CPNE4: variants seen among roughly 807,000 people sequenced by gnomAD.
CPNE4 encodes copine-4.
In CPNE4, 25 loss-of-function variants were observed where a neutral mutation model predicts 67.9. The observed-to-expected ratio is 0.37, with a 90% CI of 0.27 to 0.51. CPNE4 has a LOEUF of 0.51. CPNE4 is among the 20% of genes least tolerant of loss of function. The pLI is 0.93. For missense variants in CPNE4, 464 were observed against 690.8 expected, an observed-to-expected ratio of 0.67 and a Z score of 3.68; for synonymous variants, 242 against 244.9, an observed-to-expected ratio of 0.99 and a Z score of 0.11.
chr3:131,789,134 T>A (rs535020257), intron 2 of CPNE4, among the ~76,000 whole-genome samples: 5 of 152,150 alleles, frequency 3.3e-5, no homozygotes, highest in African/African-American at 9.6e-5. Flanking sequence ...CCACCCATCT[T>A]AGGCTACTCA....
At chr3:131,579,658 C>A (rs917112261) in intron 9 of CPNE4, among the ~76,000 whole-genome samples, 25 of 152,124 alleles carry the variant, frequency 1.6e-4, no homozygotes, top group East Asian at 1.9e-4. Flanking sequence ...TTTTAACCCT[C>A]TAGGATGACC....
chr3:131,555,821 G>A lies in CPNE4; in HGVS notation c.1062-270C>T, dbSNP rs79264071. ...AGATTCTATACTAAGAAATAAAATGGCCCTACCCTTTCATCAATGGCCTCC... is the reference window on the plus strand; with the variant it reads ...AGATTCTATACTAAGAAATAAAATGACCCTACCCTTTCATCAATGGCCTCC... On this transcript the variant is annotated intron_variant, in intron 11 of 15. Coordinates refer to ENST00000429747, the MANE Select transcript of CPNE4 (RefSeq NM_130808.3). 1.5e-3 allele frequency among the ~76,000 whole-genome samples: 228 copies of A among 152,068 alleles called. 6 individuals are homozygous for A. In the East Asian group the frequency reaches 0.043, roughly 29 times the overall value.
chr3:132,032,948 AC>A (rs2074267487), intron 1 of CPNE4, among the ~76,000 whole-genome samples: 1 of 152,254 alleles, frequency 6.6e-6, no homozygotes, highest in Admixed American at 6.5e-5. Context: ...TATACTAACT[AC>A]AAAAATTGAC....
chr3:131,859,954 C>A (rs773420603), intron 2 of CPNE4, among the ~76,000 whole-genome samples: 1 of 152,088 alleles, frequency 6.6e-6, no homozygotes, highest in South Asian at 2.1e-4. Context: ...CAAATCCATC[C>A]GCAGAATGAC....
intron 2 of CPNE4, among the ~76,000 whole-genome samples, chr3:131,757,880 G>A (rs1244641371): frequency 6.6e-6 from 1 of 152,196 alleles, no homozygotes; most frequent in Non-Finnish European, 1.5e-5. Flanking sequence ...TGGCTTCAGA[G>A]GGTGGAAGCC....
intron 1 of CPNE4, among the ~76,000 whole-genome samples, chr3:132,034,126 T>C (rs1252354821): frequency 6.6e-6 from 1 of 152,218 alleles, no homozygotes; most frequent in Admixed American, 6.5e-5. Context: ...GGTCAAGCCA[T>C]TGGAAGGGAC....
At chr3:131,636,357 C>A (rs2079385574) in intron 7 of CPNE4, among the ~76,000 whole-genome samples, 2 of 152,134 alleles carry the variant, frequency 1.3e-5, no homozygotes, top group African/African-American at 4.8e-5. Context: ...AGGGTGAAGC[C>A]TGTGACTGCT....
At chr3:131,928,669 A>T (rs924089544) in intron 1 of CPNE4, among the ~76,000 whole-genome samples, 9 of 152,220 alleles carry the variant, frequency 5.9e-5, no homozygotes, top group African/African-American at 2.2e-4. Context: ...TGTCCTGTCT[A>T]TGCCTATACT....
rs141964737 is a variant in CPNE4 at position 131,596,206 on chromosome 3, G to T, written c.682-8624C>A. ...TGCAAGGAAACTTTTGGAGGTGTTG[G>T]ATATGTCAATCAGCTTGTGATGGTA... On this transcript the variant is annotated intron_variant, in intron 7 of 15. Coordinates refer to ENST00000429747, the MANE Select transcript of CPNE4 (RefSeq NM_130808.3). Among the ~76,000 whole-genome samples the T allele has an allele frequency of 5.9e-5, 9 of 152,232 alleles. No individual in the cohort carries two copies. The East Asian group carries it at 1.7e-3, about 29-fold the overall frequency.
chr3:131,815,905 T>C (rs1381555629), intron 2 of CPNE4, among the ~76,000 whole-genome samples: 1 of 152,222 alleles, frequency 6.6e-6, no homozygotes, highest in Non-Finnish European at 1.5e-5. Context: ...ATCTTTAGCA[T>C]AACATTGCTA....
At chr3:131,773,298 T>C (rs2083212670) in intron 2 of CPNE4, among the ~76,000 whole-genome samples, 1 of 152,164 alleles carries the variant, frequency 6.6e-6, no homozygotes, top group Admixed American at 6.5e-5. Context: ...TACAAATTAA[T>C]GTTTGTTTTT....
rs141082950 is a variant in CPNE4, at chr3:131,875,890, A to G, written c.180+29374T>C. Among the ~76,000 whole-genome samples the G allele has an allele frequency of 3.8e-3, 576 of 152,320 alleles. 6 individuals carry two copies. Among genetic ancestry groups the G allele is most frequent in the African/African-American group, 0.013 (539 of 41,562 alleles). ...ACAAAGACAATCTGTTTAAGAAACC[A>G]ATTTGCCATTTGTCATTAGAAATTT... On this transcript the variant is annotated intron_variant, in intron 2 of 15. Coordinates refer to ENST00000429747, the MANE Select transcript of CPNE4 (RefSeq NM_130808.3).
intron 7 of CPNE4, among the ~76,000 whole-genome samples, chr3:131,596,776 C>T (rs1938906581): frequency 6.6e-6 from 1 of 152,032 alleles, no homozygotes. Context: ...ATCTTTAGCT[C>T]CTGCCCTAAA....
rs72496407 is a variant in CPNE4, at chr3:132,001,609, AAG to A, written c.-2+32956_-2+32957del. 1.1e-3 allele frequency among the ~76,000 whole-genome samples: 157 copies of A among 147,636 alleles called. 2 individuals are homozygous for A. The highest frequency in any genetic ancestry group is 4.1e-3 in the African/African-American group (155 of 37,900). ...AAAGAAAGAAAGAAAGAAAGAAAGA[AAG>A]AAAGAAAATGAAGAGGAAGAGGAGA... is the stretch of plus-strand genomic sequence containing the variant. On this transcript the variant is annotated intron_variant, in intron 1 of 15. Transcript: ENST00000429747.
chr3:131,973,428 G>C (rs1304614874), intron 1 of CPNE4, among the ~76,000 whole-genome samples: 1 of 152,120 alleles, frequency 6.6e-6, no homozygotes, highest in Non-Finnish European at 1.5e-5. Flanking sequence ...GATGATATCT[G>C]ATATTTCTAT....
intron 7 of CPNE4, among the ~76,000 whole-genome samples, chr3:131,616,278 T>C (rs192062499): frequency 2.0e-5 from 3 of 152,270 alleles, no homozygotes; most frequent in East Asian, 3.9e-4. Flanking sequence ...CATAATGGTA[T>C]AGCATGAGAA....
chr3:131,816,841 A>G (rs1384972329), intron 2 of CPNE4, among the ~76,000 whole-genome samples: 1 of 152,148 alleles, frequency 6.6e-6, no homozygotes, highest in Non-Finnish European at 1.5e-5. Context: ...CCATACCTAC[A>G]CCATGACCCA....
At chr3:131,648,907 CCTGT>C (rs148654716) in intron 7 of CPNE4, among the ~76,000 whole-genome samples, 2,088 of 152,260 alleles carry the variant, frequency 0.014, 43 homozygotes, top group African/African-American at 0.047. Context: ...AAAAGTCCTG[CCTGT>C]CTTCCTGTCA....
intron 7 of CPNE4, among the ~76,000 whole-genome samples, chr3:131,639,939 C>T (rs2107792727): frequency 6.6e-6 from 1 of 152,200 alleles, no homozygotes; most frequent in Non-Finnish European, 1.5e-5. Context: ...GCATAAAAAG[C>T]ATTTGACAAA....
Sources: gnomAD v4.1 joint callset for allele counts (sites outside exome capture counted in the v4.1 genomes callset) on GRCh38, gnomAD v4.1.1 for gene constraint, MANE v1.5 for transcripts, NCBI Gene and HGNC (gene_info 2026-07-23, HGNC 2026-07-21) for gene names.